PTPN14: variants seen among roughly 807,000 people sequenced by gnomAD.
PTPN14 encodes protein tyrosine phosphatase non-receptor type 14.
In PTPN14, 53 loss-of-function variants were observed where a neutral mutation model predicts 126.8. That is an observed-to-expected ratio of 0.42 (90% CI 0.34 to 0.53). The LOEUF (loss-of-function observed/expected upper bound fraction) is 0.53, where lower values mean the gene tolerates loss of function less well. PTPN14 is among the 20% of genes least tolerant of loss of function. The pLI, the probability that PTPN14 is intolerant of heterozygous loss-of-function variation, is 0.08. For synonymous variants in PTPN14, 630 were observed against 599.3 expected (o/e 1.05, Z -0.75); for missense variants, 1,257 against 1,552.9 (o/e 0.81, Z 3.20).
intron 1 of PTPN14, chr1:214,529,845 C>T (rs2102467816): frequency 6.6e-6 from 1 of 152,414 alleles, no homozygotes; most frequent in South Asian, 2.1e-4. Flanking sequence ...AGTGGCACCA[C>T]TGCACTCTAG....
chr1:214,396,430 A>G (rs1309489351), intron 8 of PTPN14, among the ~76,000 whole-genome samples: 1 of 152,172 alleles, frequency 6.6e-6, no homozygotes, highest in Non-Finnish European at 1.5e-5. Context: ...GTTCTATCAG[A>G]TTACATCTAC....
At chr1:214,378,199 G>A (rs568653648) in intron 13 of PTPN14, 97 bp from the exon 14 acceptor site, 2 of 1,409,788 alleles carry the variant, frequency 1.4e-6, no homozygotes, top group East Asian at 2.4e-5. Context: ...CCCAGCCAAG[G>A]AATGCAGACA....
chr1:214,514,401 G>C (rs1341215101), intron 1 of PTPN14, among the ~76,000 whole-genome samples: 1 of 152,194 alleles, frequency 6.6e-6, no homozygotes, highest in East Asian at 1.9e-4. Context: ...TCCCGTAGAT[G>C]CAGCATTTGA....
chr1:214,390,721 C>T (rs913780101), intron 11 of PTPN14, among the ~76,000 whole-genome samples: 5 of 152,180 alleles, frequency 3.3e-5, no homozygotes, highest in Non-Finnish European at 7.3e-5. Context: ...GGGCTGTATG[C>T]TGATGGAACA....
chr1:214,385,413 C>A (rs941692500), intron 12 of PTPN14, among the ~76,000 whole-genome samples: 9 of 152,112 alleles, frequency 5.9e-5, no homozygotes, highest in African/African-American at 2.2e-4. Context: ...GGTTTCATCA[C>A]TTAGGTCAAT....
At chr1:214,458,669 G>A (rs1226019630) in intron 2 of PTPN14, among the ~76,000 whole-genome samples, 1 of 152,170 alleles carries the variant, frequency 6.6e-6, no homozygotes, top group Non-Finnish European at 1.5e-5. Context: ...TTCAAACTCA[G>A]GCAGTTTGGT....
intron 2 of PTPN14, among the ~76,000 whole-genome samples, chr1:214,458,135 A>G (rs57880156): frequency 0.089 from 13,582 of 152,136 alleles, 624 homozygotes; most frequent in South Asian, 0.12. Context: ...CTGCAGCCTC[A>G]TTCTCCCGAG....
At chr1:214,499,769 A>G (rs1287852785) in intron 1 of PTPN14, among the ~76,000 whole-genome samples, 1 of 151,372 alleles carries the variant, frequency 6.6e-6, no homozygotes, top group Non-Finnish European at 1.5e-5. Flanking sequence ...TTCTAATTTA[A>G]GCATTCATTT....
intron 1 of PTPN14, chr1:214,533,541 A>T (rs1655613698): frequency 6.2e-6 from 2 of 320,948 alleles, no homozygotes; most frequent in Non-Finnish European, 1.2e-5. Flanking sequence ...AAATAAAAAA[A>T]AAAAAAAAGG....
chr1:214,513,154 TAA>T (rs1020209054), intron 1 of PTPN14, among the ~76,000 whole-genome samples: 5 of 152,072 alleles, frequency 3.3e-5, no homozygotes, highest in Non-Finnish European at 5.9e-5. Flanking sequence ...CAGAAAAACC[TAA>T]AAGATAGTTG....
intron 1 of PTPN14, among the ~76,000 whole-genome samples, chr1:214,478,885 A>G (rs2102672268): frequency 6.6e-6 from 1 of 152,300 alleles, no homozygotes; most frequent in African/African-American, 2.4e-5. Flanking sequence ...ACATAATAAA[A>G]TAAGTAACAA....
Position 214,523,412 on chromosome 1 carries a change from G to A in PTPN14, c.-155+27771C>T, listed in dbSNP as rs1456254703. Among the ~76,000 whole-genome samples, 30 of 152,048 alleles carry A rather than the reference G, an allele frequency of 2.0e-4. 1 individual carries two copies. Among genetic ancestry groups the A allele is most frequent in the Non-Finnish European group, 4.4e-5 (3 of 68,026 alleles). Reference sequence around the variant, plus strand: ...ATATTTTTACTGTGCTCTATGTTTCGATACACAGATACTTACCATTATGTT... The same window carrying A: ...ATATTTTTACTGTGCTCTATGTTTCAATACACAGATACTTACCATTATGTT... On this transcript the variant is annotated intron_variant, in intron 1 of 18. Coordinates refer to ENST00000366956, the MANE Select transcript of PTPN14 (RefSeq NM_005401.5).
At chr1:214,530,961 C>G (rs1393076557) in intron 1 of PTPN14, 7 of 152,104 alleles carry the variant, frequency 4.6e-5, no homozygotes, top group Admixed American at 2.0e-4. Flanking sequence ...ACCTCAGTAC[C>G]AACTTTGCCT....
intron 1 of PTPN14, among the ~76,000 whole-genome samples, chr1:214,520,761 T>C (rs1368076032): frequency 6.6e-6 from 1 of 152,184 alleles, no homozygotes; most frequent in East Asian, 1.9e-4. Context: ...ATCAGTCTTG[T>C]GTTTAAGTGC....
chr1:214,466,983 C>T (rs1660653852), intron 1 of PTPN14, among the ~76,000 whole-genome samples: 4 of 152,206 alleles, frequency 2.6e-5, no homozygotes, highest in Middle Eastern at 6.8e-3. Context: ...TGATACTTGC[C>T]GTGGGCACAT....
chr1:214,463,005 G>C (rs1461213790), intron 2 of PTPN14, among the ~76,000 whole-genome samples: 1 of 152,072 alleles, frequency 6.6e-6, no homozygotes, highest in African/African-American at 2.4e-5. Context: ...TTTATAGGTA[G>C]GAAACTTACG....
intron 3 of PTPN14, 93 bp downstream of exon 3, chr1:214,451,712 C>T: frequency 6.9e-7 from 1 of 1,442,204 alleles, no homozygotes; most frequent in East Asian, 2.3e-5. Flanking sequence ...CCCACACCCA[C>T]ACACCCCTAA....
At chr1:214,359,164 C>G (rs1657893440) in intron 18 of PTPN14, among the ~76,000 whole-genome samples, 1 of 151,976 alleles carries the variant, frequency 6.6e-6, no homozygotes, top group South Asian at 2.1e-4. Flanking sequence ...AGCGCCATCT[C>G]TGAACACCAG....
intron 1 of PTPN14, chr1:214,533,113 A>G (rs1462564858): frequency 8.2e-6 from 6 of 734,344 alleles, no homozygotes; most frequent in African/African-American, 3.4e-5. Flanking sequence ...CCTGGACTCC[A>G]TGAAAAATCT....
Sources: allele counts gnomAD v4.1 joint callset (sites outside exome capture counted in the v4.1 genomes callset), GRCh38; gene constraint gnomAD v4.1.1; transcripts MANE v1.5; gene names NCBI Gene and HGNC (gene_info 2026-07-23, HGNC 2026-07-21).